The following RAVER2 variants were observed in gnomAD, a reference collection of about 807,000 sequenced individuals.
RAVER2 encodes the protein ribonucleoprotein PTB-binding 2.
In RAVER2, 46 loss-of-function variants were observed where a neutral mutation model predicts 78.1. The observed-to-expected ratio is 0.59, with a 90% confidence interval of 0.46 to 0.75. The LOEUF is 0.75. Ranked by LOEUF, RAVER2 falls within the 30% of genes least tolerant of loss-of-function variation. RAVER2 has a pLI of 0.00. For synonymous variants in RAVER2, 311 were observed against 313.3 expected (o/e 0.99, Z 0.08); for missense variants, 793 against 837.5 (o/e 0.95, Z 0.66).
intron 2 of RAVER2, among the ~76,000 whole-genome samples, chr1:64,774,215 C>A (rs1652399942): frequency 6.6e-6 from 1 of 152,118 alleles, no homozygotes; most frequent in African/African-American, 2.4e-5. Flanking sequence ...GCTTTTGTTG[C>A]CATTGCTTTT....
chr1:64,801,494 T>C (rs1252086088), intron 5 of RAVER2, among the ~76,000 whole-genome samples: 1 of 151,304 alleles, frequency 6.6e-6, no homozygotes, highest in Non-Finnish European at 1.5e-5. Flanking sequence ...TGTGTCTCTA[T>C]ATTATCTATT....
At chr1:64,754,500 G>A (rs1651795722) in intron 1 of RAVER2, among the ~76,000 whole-genome samples, 1 of 152,102 alleles carries the variant, frequency 6.6e-6, no homozygotes, top group South Asian at 2.1e-4. Flanking sequence ...TCTCAGGATT[G>A]ATTTGTTAAT....
At position 64,805,062 on chromosome 1, in the gene RAVER2, A is replaced by G. The variant is rs368227752; in HGVS notation, c.1368A>G (p.Pro456=). 5.0e-6 allele frequency: 8 copies of G among 1,613,952 alleles called. No homozygotes were observed. In the African/African-American group the frequency reaches 6.7e-5, roughly 13 times the overall value. ...CACTAGGGATAGGGTCAGTGCTTCC[A>G]TTGAAAAAGGAGTTGGGACATCATC... Residue 456 remains proline (P), a synonymous_variant, in exon 8 of 12, where the codon CCA becomes CCG. Transcript: ENST00000294428.
chr1:64,781,264 T>C, intron 3 of RAVER2, 116 bp from the exon 4 acceptor site: 1 of 917,568 alleles, frequency 1.1e-6, no homozygotes, highest in Non-Finnish European at 1.5e-6. Context: ...GAATATGTTA[T>C]TTCCACCAGT....
intron 1 of RAVER2, among the ~76,000 whole-genome samples, chr1:64,753,774 G>A (rs758086619): frequency 8.6e-5 from 13 of 151,838 alleles, no homozygotes; most frequent in Non-Finnish European, 1.6e-4. Flanking sequence ...TGCCCACCTC[G>A]GCCTCCCAAA....
chr1:64,769,291 A>G (rs982259847), intron 2 of RAVER2, among the ~76,000 whole-genome samples: 1 of 152,050 alleles, frequency 6.6e-6, no homozygotes, highest in Non-Finnish European at 1.5e-5. Context: ...GCCCTCATGT[A>G]GATCTGTTGA....
In RAVER2 at chr1:64,825,119, A is replaced by G. The variant is rs148402331; in HGVS notation, c.1930-5720A>G. ...ATATATCAGACAGAGACATTTTATTATATCATTAATGTCACAGAATGAAGC... is the reference window on the plus strand; with the variant it reads ...ATATATCAGACAGAGACATTTTATTGTATCATTAATGTCACAGAATGAAGC... On this transcript the variant is annotated intron_variant, in intron 11 of 11. Coordinates refer to ENST00000294428, the Ensembl canonical transcript of RAVER2. 1.5e-3 allele frequency among the ~76,000 whole-genome samples: 227 copies of G among 152,246 alleles called. 1 individual carries two copies. The highest frequency in any genetic ancestry group is 4.5e-3 in the African/African-American group (186 of 41,530).
intron 1 of RAVER2, among the ~76,000 whole-genome samples, chr1:64,763,787 C>T (rs918529007): frequency 2.6e-5 from 4 of 151,968 alleles, no homozygotes; most frequent in Non-Finnish European, 5.9e-5. Context: ...CCTGTAATCC[C>T]AGCTACTCCA....
At chr1:64,811,737 A>G (rs1653612837) in intron 9 of RAVER2, among the ~76,000 whole-genome samples, 1 of 152,234 alleles carries the variant, frequency 6.6e-6, no homozygotes, top group Admixed American at 6.5e-5. Flanking sequence ...TAAGGCTTCT[A>G]GTTAACAGTA....
intron 1 of RAVER2, among the ~76,000 whole-genome samples, chr1:64,761,948 C>CAAA (rs35443570): frequency 7.2e-6 from 1 of 137,936 alleles, no homozygotes; most frequent in African/African-American, 2.7e-5. Context: ...CTGTCTCTAC[C>CAAA]AAAAAAAAAA....
chr1:64,764,942 C>T (rs887691487), intron 1 of RAVER2, among the ~76,000 whole-genome samples: 8 of 152,236 alleles, frequency 5.3e-5, no homozygotes, highest in Non-Finnish European at 1.0e-4. Context: ...TTCATAGCAA[C>T]ACCTATATTA....
chr1:64,754,412 AT>A (rs1285016901), intron 1 of RAVER2, among the ~76,000 whole-genome samples: 1 of 152,242 alleles, frequency 6.6e-6, no homozygotes, highest in Non-Finnish European at 1.5e-5. Context: ...TTGAAGAGAA[AT>A]GTAAAAGAAG....
At chr1:64,801,105 T>C (rs1486513595) in intron 5 of RAVER2, among the ~76,000 whole-genome samples, 1 of 150,128 alleles carries the variant, frequency 6.7e-6, no homozygotes, top group Non-Finnish European at 1.5e-5. Context: ...TGTATATTAT[T>C]ATTATTATTT....
chr1:64,775,773 C>T (rs1652443692), intron 2 of RAVER2, among the ~76,000 whole-genome samples: 1 of 152,132 alleles, frequency 6.6e-6, no homozygotes, highest in Non-Finnish European at 1.5e-5. Context: ...AATCCCAGCA[C>T]TTTGGGAGGT....
intron 1 of RAVER2, among the ~76,000 whole-genome samples, chr1:64,761,327 G>GC (rs894053383): frequency 3.3e-4 from 50 of 151,602 alleles, no homozygotes; most frequent in African/African-American, 9.0e-4. Flanking sequence ...ACTGCGTTGG[G>GC]CCCCCCCCAA....
At chr1:64,796,542 A>G (rs1653101356) in intron 5 of RAVER2, among the ~76,000 whole-genome samples, 1 of 152,102 alleles carries the variant, frequency 6.6e-6, no homozygotes, top group South Asian at 2.1e-4. Context: ...AAGTTATCAA[A>G]TTTATTGGCA....
At chr1:64,791,842 A>C (rs1430360870) in intron 5 of RAVER2, among the ~76,000 whole-genome samples, 2 of 152,182 alleles carry the variant, frequency 1.3e-5, no homozygotes, top group East Asian at 3.8e-4. Context: ...GAAATACAGG[A>C]TAAATGTATT....
rs1342734353 is a variant in RAVER2 at position 64,763,925 on chromosome 1, C to CACAA, written c.250-4728_250-4727insAACA. On this transcript the variant is annotated intron_variant, in intron 1 of 11. Coordinates refer to ENST00000294428, the Ensembl canonical transcript of RAVER2. ...TCTCAAAAAAACAAAAATACACACA[C>CACAA]ACACACACACACACACACACACACA... Among the ~76,000 whole-genome samples the CACAA allele has an allele frequency of 2.0e-5, 3 of 147,424 alleles. No individual in the cohort carries two copies. The Admixed American group carries it at 2.1e-4, about 10-fold the overall frequency.
chr1:64,833,093 G>GTT (rs372138106), exon 12 of RAVER2: 1 of 168,142 alleles, frequency 5.9e-6, no homozygotes, highest in African/African-American at 2.5e-5. Flanking sequence ...ATCAAGTGGT[G>GTT]TTTGTTTGTT....
Sources: gnomAD v4.1 joint callset for allele counts (sites outside exome capture counted in the v4.1 genomes callset) on GRCh38, gnomAD v4.1.1 for gene constraint, MANE v1.5 for transcripts, NCBI Gene and HGNC (gene_info 2026-07-23, HGNC 2026-07-21) for gene names.